KIAA0586: variants seen among roughly 807,000 people sequenced by gnomAD.
KIAA0586 encodes KIAA0586, also known as protein TALPID3.
In KIAA0586, 144 loss-of-function variants were observed where a neutral mutation model predicts 169.8. That is an observed-to-expected ratio of 0.85 (90% CI 0.74 to 0.97). KIAA0586 has a LOEUF of 0.97. KIAA0586 is among the 50% of genes least tolerant of loss of function. The pLI is 0.00. For synonymous variants in KIAA0586, 625 were observed against 612.4 expected (o/e 1.02, Z -0.30); for missense variants, 1,854 against 1,823.0 (o/e 1.02, Z -0.31).
chr14:58,491,444 A>C (rs1399204838), intron 25 of KIAA0586, among the ~76,000 whole-genome samples: 1 of 152,214 alleles, frequency 6.6e-6, no homozygotes, highest in Non-Finnish European at 1.5e-5. Flanking sequence ...GGAGTTAATA[A>C]ACTTTATTTC....
intron 29 of KIAA0586, among the ~76,000 whole-genome samples, 178 bp downstream of exon 29, chr14:58,512,805 TC>T (rs894877383): frequency 3.9e-5 from 6 of 152,086 alleles, no homozygotes; most frequent in Non-Finnish European, 7.4e-5. Flanking sequence ...CTATGTTAGT[TC>T]TTTTTACCAG....
intron 16 of KIAA0586, 62 bp downstream of exon 16, chr14:58,467,984 G>C: frequency 9.2e-7 from 1 of 1,082,232 alleles, no homozygotes; most frequent in Non-Finnish European, 1.3e-6. Context: ...CTTAACGTTA[G>C]TACGGAAATC....
At chr14:58,503,184 C>T (rs780550580) in intron 27 of KIAA0586, among the ~76,000 whole-genome samples, 2 of 152,046 alleles carry the variant, frequency 1.3e-5, no homozygotes, top group Non-Finnish European at 2.9e-5. Context: ...TATTGAATAC[C>T]CACTGTATAC....
chr14:58,561,611 A>G, the KIAA0586 span, among the ~76,000 whole-genome samples: 1 of 152,116 alleles, frequency 6.6e-6, no homozygotes, highest in Non-Finnish European at 1.5e-5. Context: ...TATTTTATTT[A>G]ATTATCCACC....
chr14:58,521,501 C>T (rs2045225023), intron 29 of KIAA0586: 2 of 762,660 alleles, frequency 2.6e-6, no homozygotes, highest in Admixed American at 1.8e-5. Flanking sequence ...TACAGTTACC[C>T]AGCACATGTT....
intron 28 of KIAA0586, among the ~76,000 whole-genome samples, chr14:58,509,623 C>T (rs1187006088): frequency 6.6e-6 from 1 of 151,906 alleles, no homozygotes; most frequent in Non-Finnish European, 1.5e-5. Flanking sequence ...CCAAAAAATA[C>T]GTAAGATAAA....
chr14:58,524,109 C>T (rs893902404), intron 29 of KIAA0586, among the ~76,000 whole-genome samples: 19 of 152,072 alleles, frequency 1.2e-4, no homozygotes, highest in Non-Finnish European at 2.6e-4. Flanking sequence ...GTTCAGAATA[C>T]ATTACCCTCA....
Position 58,444,178 on chromosome 14 carries a change from A to G in KIAA0586, c.807+3A>G. 1 of 1,575,172 alleles carries G rather than the reference A, an allele frequency of 6.3e-7. No homozygotes were observed. The highest frequency in any genetic ancestry group is 8.7e-7 in the Non-Finnish European group (1 of 1,145,834). On this transcript the variant is annotated splice_donor_region_variant and intron_variant, in intron 6 of 30. Transcript: ENST00000652326. ...AACAACAACAAATAGATATTCAGGT[A>G]TCTGTAATAAATCCAGTACAGATTC...
At chr14:58,522,896 G>C (rs2045324826) in intron 29 of KIAA0586, among the ~76,000 whole-genome samples, 1 of 152,156 alleles carries the variant, frequency 6.6e-6, no homozygotes, top group African/African-American at 2.4e-5. Context: ...GTTTGGATGA[G>C]AGAGGCATAA....
chr14:58,448,534 G>C, intron 7 of KIAA0586, 41 bp downstream of exon 7: 1 of 1,470,256 alleles, frequency 6.8e-7, no homozygotes, highest in Non-Finnish European at 9.3e-7. Context: ...AATGTCAGCT[G>C]TGAATTTTCT....
intron 29 of KIAA0586, among the ~76,000 whole-genome samples, chr14:58,520,111 G>A (rs2045088080): frequency 6.6e-6 from 1 of 152,164 alleles, no homozygotes; most frequent in African/African-American, 2.4e-5. Flanking sequence ...AATCAGCTTA[G>A]ATACTAGTTC....
intron 20 of KIAA0586, among the ~76,000 whole-genome samples, chr14:58,480,566 T>C (rs1022248054): frequency 6.6e-6 from 1 of 152,162 alleles, no homozygotes; most frequent in Non-Finnish European, 1.5e-5. Context: ...TTGTGCTTGA[T>C]GCTCCCCTGG....
At chr14:58,504,218 C>T (rs766364621) in intron 27 of KIAA0586, among the ~76,000 whole-genome samples, 19 of 152,030 alleles carry the variant, frequency 1.2e-4, no homozygotes, top group Non-Finnish European at 2.5e-4. Flanking sequence ...TTAAAGTTGA[C>T]CTGATGAGAC....
the KIAA0586 span, among the ~76,000 whole-genome samples, chr14:58,558,642 C>T: frequency 2.0e-5 from 3 of 152,104 alleles, no homozygotes; most frequent in Admixed American, 6.5e-5. Flanking sequence ...AATAAAGCTG[C>T]GTGTTTACAC....
upstream of KIAA0586, chr14:58,427,461 A>G: frequency 1.2e-6 from 1 of 803,674 alleles, no homozygotes; most frequent in Non-Finnish European, 2.0e-6. Context: ...CACAAGTAGT[A>G]TTACAAGTCG....
rs74056163 is a variant in KIAA0586 at position 58,480,346 on chromosome 14, T to A, written c.2945-2167T>A. On this transcript the variant is annotated intron_variant, in intron 20 of 30. Transcript: ENST00000652326. ...TTCATTCTGTTAATTCTTCCTCTTT[T>A]AAAAAAAAAAAAAAAAAACTTCTTT... Among the ~76,000 whole-genome samples, 1,362 of 146,310 alleles carry A rather than the reference T, an allele frequency of 9.3e-3. 22 individuals carry two copies. The highest frequency in any genetic ancestry group is 0.033 in the African/African-American group (1,315 of 39,886).
chr14:58,453,550 T>A (rs2140766167), intron 9 of KIAA0586, 77 bp downstream of exon 9: 2 of 982,522 alleles, frequency 2.0e-6, no homozygotes, highest in Non-Finnish European at 2.9e-6. Flanking sequence ...TTGGGACTTT[T>A]AATAAATTAT....
At chr14:58,463,823 C>T in intron 14 of KIAA0586, 1 of 137,768 alleles carries the variant, frequency 7.3e-6, no homozygotes, top group South Asian at 5.1e-5. Context: ...AAGACCCTGT[C>T]TCTAAAAAAA....
intron 12 of KIAA0586, among the ~76,000 whole-genome samples, chr14:58,459,579 A>G (rs2040160639): frequency 6.6e-6 from 1 of 152,078 alleles, no homozygotes; most frequent in African/African-American, 2.4e-5. Context: ...TTGTCATGCA[A>G]AGTTGTCCTG....
Sources: allele counts gnomAD v4.1 joint callset (sites outside exome capture counted in the v4.1 genomes callset), GRCh38; gene constraint gnomAD v4.1.1; transcripts MANE v1.5; gene names NCBI Gene and HGNC (gene_info 2026-07-23, HGNC 2026-07-21).